Variants in RAD51B observed in about 807,000 individuals in gnomAD.
The protein encoded by RAD51B is DNA repair protein RAD51 homolog 2.
A neutral mutation model predicts 42.2 loss-of-function variants in RAD51B; 38 were observed. That is an observed-to-expected ratio of 0.90 (90% CI 0.70 to 1.18). The LOEUF (loss-of-function observed/expected upper bound fraction) is 1.18, where lower values mean the gene tolerates loss of function less well. RAD51B is among the 50% of genes most tolerant of loss of function. The pLI is 0.00. For missense variants in RAD51B, 373 were observed against 400.7 expected (o/e 0.93, Z 0.59); for synonymous variants, 154 against 145.2 (o/e 1.06, Z -0.43).
chr14:68,096,047 AG>A (rs1395702395), intron 7 of RAD51B, among the ~76,000 whole-genome samples: 42 of 152,030 alleles, frequency 2.8e-4, no homozygotes, highest in Admixed American at 2.8e-3. Context: ...TAGAGTAATA[AG>A]TAGCAGAACC....
At chr14:68,174,887 G>A (rs892357699) in intron 7 of RAD51B, among the ~76,000 whole-genome samples, 1 of 152,124 alleles carries the variant, frequency 6.6e-6, no homozygotes, top group African/African-American at 2.4e-5. Context: ...TCTATTAATG[G>A]TGAGCTCAGT....
At position 68,543,934 on chromosome 14, in the gene RAD51B, A is replaced by G. The variant is rs1594958820; in HGVS notation, c.1037-50551A>G. 3.3e-5 allele frequency among the ~76,000 whole-genome samples: 5 copies of G among 152,344 alleles called. 1 individual carries two copies. The South Asian group carries it at 1.0e-3, about 32-fold the overall frequency. ...CAGGAAATTAGAACAAAAAAATGACATATTGCAAAATTAAGTCAAAGAATA... is the reference window on the plus strand; with the variant it reads ...CAGGAAATTAGAACAAAAAAATGACGTATTGCAAAATTAAGTCAAAGAATA... On this transcript the variant is annotated intron_variant, in intron 10 of 10. Transcript: ENST00000487270.
Position 68,645,655 on chromosome 14 carries a change from C to T in RAD51B, c.1037-5126C>T, listed in dbSNP as rs61987111. Among the ~76,000 whole-genome samples, 1,301 of 152,270 alleles carry T rather than the reference C, an allele frequency of 8.5e-3. 5 individuals carry two copies. Among genetic ancestry groups the T allele is most frequent in the Non-Finnish European group, 0.012 (842 of 68,002 alleles). On this transcript the variant is annotated intron_variant, in intron 10 of 11. Transcript: ENST00000488612. ...AGTTTCAATGTCTCTACATTCTTACCAACACCTGTTTTTCTCCTTTTTTTA... is the reference window on the plus strand; with the variant it reads ...AGTTTCAATGTCTCTACATTCTTACTAACACCTGTTTTTCTCCTTTTTTTA...
chr14:67,973,504 C>A (rs1409305509), intron 7 of RAD51B, among the ~76,000 whole-genome samples: 10 of 151,832 alleles, frequency 6.6e-5, no homozygotes, highest in Admixed American at 6.6e-4. Flanking sequence ...ATTCCTATTC[C>A]TTTGTACTTC....
Position 67,832,990 on chromosome 14 carries a change from T to C in RAD51B, c.199-2090T>C, listed in dbSNP as rs182171900. ...TATAGAGTATTAACTTTTGTAGTTC[T>C]AAATACATCAGAATGATCAAAACCA... On this transcript the variant is annotated intron_variant, in intron 3 of 10. Coordinates refer to ENST00000471583, the MANE Select transcript of RAD51B (RefSeq NM_133510.4). 1.4e-3 allele frequency among the ~76,000 whole-genome samples: 216 copies of C among 152,362 alleles called. 8 individuals are homozygous for C. In the East Asian group the frequency reaches 0.021, roughly 15 times the overall value.
At chr14:68,679,537 C>T (rs1027958941) in intron 11 of RAD51B, among the ~76,000 whole-genome samples, 2 of 152,216 alleles carry the variant, frequency 1.3e-5, no homozygotes, top group South Asian at 4.1e-4. Context: ...CAGTTCTGTT[C>T]TGGTGATCAC....
At chr14:68,096,806 A>ATGTGTG (rs111474104) in intron 7 of RAD51B, among the ~76,000 whole-genome samples, 12,424 of 151,914 alleles carry the variant, frequency 0.082, 1,472 homozygotes, top group African/African-American at 0.26. Flanking sequence ...AATAAATGAT[A>ATGTGTG]TGTGTGTGTG....
At chr14:68,340,093 G>T (rs1351978321) in intron 8 of RAD51B, among the ~76,000 whole-genome samples, 4 of 152,176 alleles carry the variant, frequency 2.6e-5, no homozygotes, top group African/African-American at 9.7e-5. Context: ...TACTAATAGT[G>T]TTTACTTAGA....
intron 11 of RAD51B, among the ~76,000 whole-genome samples, chr14:68,663,129 T>C (rs760538492): frequency 1.6e-4 from 25 of 152,126 alleles, no homozygotes; most frequent in Non-Finnish European, 2.6e-4. Flanking sequence ...GGTGAAATTC[T>C]ATCTCTACTA....
intron 7 of RAD51B, among the ~76,000 whole-genome samples, chr14:67,939,178 A>G (rs2045067536): frequency 1.3e-5 from 2 of 152,156 alleles, no homozygotes; most frequent in Non-Finnish European, 2.9e-5. Context: ...TTTTTCTGAT[A>G]TATTAGATAA....
At chr14:67,953,054 A>G (rs2074484064) in intron 7 of RAD51B, among the ~76,000 whole-genome samples, 1 of 152,174 alleles carries the variant, frequency 6.6e-6, no homozygotes, top group Non-Finnish European at 1.5e-5. Context: ...AGCAAAATGG[A>G]TATTACTTCT....
intron 10 of RAD51B, among the ~76,000 whole-genome samples, chr14:68,550,045 T>C (rs1046468659): frequency 2.0e-5 from 3 of 152,316 alleles, no homozygotes; most frequent in East Asian, 3.9e-4. Context: ...AGGACTCCTC[T>C]GAGGGAGCAA....
intron 7 of RAD51B, among the ~76,000 whole-genome samples, chr14:68,199,143 CT>C (rs1275182189): frequency 2.0e-5 from 3 of 152,194 alleles, no homozygotes; most frequent in East Asian, 1.9e-4. Flanking sequence ...TTCTCTGACT[CT>C]TTTGACATGC....
chr14:68,441,541 CAAAAA>C (rs67477807), intron 9 of RAD51B, among the ~76,000 whole-genome samples: 2 of 68,032 alleles, frequency 2.9e-5, no homozygotes, highest in Non-Finnish European at 5.1e-5. Context: ...GACTCCATCT[CAAAAA>C]AAAAAAAAAA....
At chr14:68,673,718 C>A (rs1195698427) in intron 11 of RAD51B, among the ~76,000 whole-genome samples, 1 of 148,840 alleles carries the variant, frequency 6.7e-6, no homozygotes, top group East Asian at 2.0e-4. Flanking sequence ...GTACACACAT[C>A]TATACATGCA....
At chr14:68,226,405 A>T (rs942049817) in intron 7 of RAD51B, among the ~76,000 whole-genome samples, 1 of 152,158 alleles carries the variant, frequency 6.6e-6, no homozygotes, top group African/African-American at 2.4e-5. Context: ...TTGTGTCCCC[A>T]CCCAAATCTC....
chr14:67,944,400 C>G (rs994045782), intron 7 of RAD51B, among the ~76,000 whole-genome samples: 5 of 151,954 alleles, frequency 3.3e-5, no homozygotes, highest in African/African-American at 1.2e-4. Flanking sequence ...CTGTCTTTGT[C>G]TCTGTATTTT....
In RAD51B at chr14:67,913,048, T is replaced by C. The variant is rs571976646; in HGVS notation, c.756+25844T>C. On this transcript the variant is annotated intron_variant, in intron 7 of 10. Coordinates refer to ENST00000471583, the MANE Select transcript of RAD51B (RefSeq NM_133510.4). ...AGCTCCTCCTGACTTCTTAATCTTT[T>C]AATAGTATCGTAAGTTTTTCAGTAA... Among the ~76,000 whole-genome samples the C allele has an allele frequency of 5.3e-5, 8 of 152,300 alleles. No individual in the cohort carries two copies. In the South Asian group the frequency reaches 1.7e-3, roughly 32 times the overall value.
At chr14:68,549,909 G>A (rs769202868) in intron 10 of RAD51B, among the ~76,000 whole-genome samples, 1 of 152,178 alleles carries the variant, frequency 6.6e-6, no homozygotes, top group East Asian at 1.9e-4. Context: ...AGCTCTGACC[G>A]TTGTCTAATA....
Sources: gnomAD v4.1 joint callset for allele counts (sites outside exome capture counted in the v4.1 genomes callset) on GRCh38, gnomAD v4.1.1 for gene constraint, MANE v1.5 for transcripts, NCBI Gene and HGNC (gene_info 2026-07-23, HGNC 2026-07-21) for gene names.